The following ARHGEF38 variants were observed in gnomAD, a reference collection of about 807,000 sequenced individuals.
The protein encoded by ARHGEF38 is Rho guanine nucleotide exchange factor (GEF) 38.
Under a neutral mutation model 79.9 loss-of-function variants are expected in ARHGEF38, and 79 were observed. That is an observed-to-expected ratio of 0.99 (90% CI 0.82 to 1.19). The LOEUF is 1.19. ARHGEF38 is among the 50% of genes most tolerant of loss of function. ARHGEF38 has a pLI of 0.00. For synonymous variants in ARHGEF38, 366 were observed against 328.3 expected (o/e 1.11, Z -1.24); for missense variants, 962 against 907.2 (o/e 1.06, Z -0.78).
intron 13 of ARHGEF38, among the ~76,000 whole-genome samples, chr4:105,674,133 G>A (rs1731044708): frequency 2.0e-5 from 3 of 152,112 alleles, no homozygotes; most frequent in Admixed American, 2.0e-4. Context: ...ATAAGGGAAT[G>A]CCAAACTGGG....
chr4:105,599,995 G>A (rs1484088592), intron 2 of ARHGEF38, among the ~76,000 whole-genome samples: 1 of 152,166 alleles, frequency 6.6e-6, no homozygotes, highest in Non-Finnish European at 1.5e-5. Context: ...TGCAATTGGA[G>A]TTCAGAGAAG....
At chr4:105,557,752 T>C (rs1423474954) in intron 1 of ARHGEF38, among the ~76,000 whole-genome samples, 2 of 152,124 alleles carry the variant, frequency 1.3e-5, no homozygotes, top group African/African-American at 4.8e-5. Context: ...ATTCTGGATT[T>C]TCTAGCCTGC....
chr4:105,563,645 T>G (rs924694717), intron 1 of ARHGEF38, among the ~76,000 whole-genome samples: 6 of 137,868 alleles, frequency 4.4e-5, no homozygotes, highest in Admixed American at 3.0e-4. Context: ...TCAACCATCA[T>G]GCAGTTTTCC....
intron 5 of ARHGEF38, among the ~76,000 whole-genome samples, chr4:105,641,813 C>T (rs1444583741): frequency 6.6e-6 from 1 of 151,680 alleles, no homozygotes; most frequent in Non-Finnish European, 1.5e-5. Flanking sequence ...TGATATGAAA[C>T]TCTGCAGCAA....
At chr4:105,627,748 A>T (rs1311348886) in intron 3 of ARHGEF38, among the ~76,000 whole-genome samples, 2 of 152,156 alleles carry the variant, frequency 1.3e-5, no homozygotes, top group Non-Finnish European at 2.9e-5. Flanking sequence ...TCAAACCCAC[A>T]TACATTAGAC....
intron 6 of ARHGEF38, among the ~76,000 whole-genome samples, chr4:105,645,618 C>T (rs1306948751): frequency 5.3e-5 from 8 of 152,184 alleles, no homozygotes; most frequent in African/African-American, 1.7e-4. Flanking sequence ...GCCATATGCT[C>T]AACTTCATTG....
chr4:105,656,230 A>G (rs966545899), intron 9 of ARHGEF38, among the ~76,000 whole-genome samples: 2 of 151,676 alleles, frequency 1.3e-5, no homozygotes, highest in Non-Finnish European at 2.9e-5. Context: ...GATTTTTTGC[A>G]TTTTTTGTAG....
In ARHGEF38 at chr4:105,552,754, T is replaced by C. The variant is rs1725055009; in HGVS notation, c.-12T>C. The C allele has an allele frequency of 6.3e-7, 1 of 1,599,544 alleles. No individual in the cohort carries two copies. Among genetic ancestry groups the C allele is most frequent in the Admixed American group, 1.7e-5 (1 of 57,434 alleles). On this transcript the variant is annotated 5_prime_UTR_variant, in exon 1 of 14. Transcript: ENST00000420470. ...ATTGCCTGCAAGCCTCCAAAGCTTGTCTTTGCCTAATATGGAGCCCAAAGA... is the reference window on the plus strand; with the variant it reads ...ATTGCCTGCAAGCCTCCAAAGCTTGCCTTTGCCTAATATGGAGCCCAAAGA...
At chr4:105,588,279 C>A (rs1727154118) in intron 1 of ARHGEF38, among the ~76,000 whole-genome samples, 1 of 152,146 alleles carries the variant, frequency 6.6e-6, no homozygotes, top group African/African-American at 2.4e-5. Context: ...GTCTCATATA[C>A]CAGTTACTAG....
At chr4:105,652,478 T>C (rs932591689) in intron 7 of ARHGEF38, among the ~76,000 whole-genome samples, 5 of 152,038 alleles carry the variant, frequency 3.3e-5, no homozygotes, top group Non-Finnish European at 7.4e-5. Context: ...AAAGGGAGGA[T>C]TTATAGAATG....
intron 9 of ARHGEF38, among the ~76,000 whole-genome samples, chr4:105,658,028 T>C (rs2110561809): frequency 6.6e-6 from 1 of 152,286 alleles, no homozygotes; most frequent in South Asian, 2.1e-4. Flanking sequence ...AGAAATTAAA[T>C]CTAGGATGAT....
At chr4:105,663,897 G>A (rs1326870185) in intron 10 of ARHGEF38, among the ~76,000 whole-genome samples, 9 of 151,752 alleles carry the variant, frequency 5.9e-5, no homozygotes, top group Admixed American at 5.2e-4. Flanking sequence ...CTGAATCTGG[G>A]AGGCGGAGGT....
intron 3 of ARHGEF38, among the ~76,000 whole-genome samples, chr4:105,629,036 T>A (rs1578326787): frequency 1.3e-5 from 2 of 152,130 alleles, no homozygotes; most frequent in African/African-American, 2.4e-5. Context: ...ATGAAGGCAC[T>A]AAGACTCAAA....
chr4:105,662,368 C>T (rs979199127), intron 10 of ARHGEF38, among the ~76,000 whole-genome samples: 3 of 151,956 alleles, frequency 2.0e-5, no homozygotes, highest in Non-Finnish European at 4.4e-5. Context: ...TTTGACTTCA[C>T]TTGTGATTTT....
Position 105,679,827 on chromosome 4 carries a change from C to T in ARHGEF38, c.*1890C>T. 2.3e-6 allele frequency: 3 copies of T among 1,298,050 alleles called. No homozygotes were observed. The highest frequency in any genetic ancestry group is 3.3e-6 in the Non-Finnish European group (3 of 897,846). 80.4% of individuals were successfully genotyped at this position (1,298,050 alleles called of 1,614,324 possible). A position where few individuals can be genotyped will look rare whatever the true frequency, so the allele number is the denominator to read the frequency against. On this transcript the variant is annotated 3_prime_UTR_variant, in exon 14 of 14. Transcript: ENST00000420470. ...CATCCAGAGAGATGGATATAGGACT[C>T]AATATCCTGAGGAGGAGAACTTTGA...
chr4:105,561,705 T>A (rs536586447), intron 1 of ARHGEF38: 1 of 152,174 alleles, frequency 6.6e-6, no homozygotes, highest in Non-Finnish European at 1.5e-5. Flanking sequence ...CTGTGAATTG[T>A]ATAGACAAAA....
In ARHGEF38 at chr4:105,675,346, A is replaced by G. The variant is rs567551792; in HGVS notation, c.2149-2406A>G. ...GTTGAGGACAAAGCACATTTAACAT[A>G]TAACTGCCATGCGCTCTGTAAAAGG... On this transcript the variant is annotated intron_variant, in intron 13 of 13. Coordinates refer to ENST00000420470, the MANE Select transcript of ARHGEF38 (RefSeq NM_001242729.2). 1.8e-4 allele frequency among the ~76,000 whole-genome samples: 27 copies of G among 152,320 alleles called. 1 individual carries two copies. The South Asian group carries it at 5.0e-3, about 28-fold the overall frequency.
intron 7 of ARHGEF38, among the ~76,000 whole-genome samples, chr4:105,649,684 T>C (rs547201044): frequency 3.9e-5 from 6 of 152,298 alleles, no homozygotes; most frequent in Non-Finnish European, 5.9e-5. Context: ...TTCATGTTGG[T>C]TTCAGATGGC....
At chr4:105,586,869 A>G (rs760451197) in intron 1 of ARHGEF38, among the ~76,000 whole-genome samples, 1 of 152,104 alleles carries the variant, frequency 6.6e-6, no homozygotes, top group African/African-American at 2.4e-5. Flanking sequence ...CTCCAGGAGT[A>G]AAGGACGTCC....
Sources: allele counts gnomAD v4.1 joint callset (sites outside exome capture counted in the v4.1 genomes callset), GRCh38; gene constraint gnomAD v4.1.1; transcripts MANE v1.5; gene names NCBI Gene and HGNC (gene_info 2026-07-23, HGNC 2026-07-21).